Variants in ATP8A1 observed in about 807,000 individuals in gnomAD.
The protein encoded by ATP8A1 is phospholipid-transporting ATPase IA.
Under a neutral mutation model 177.7 loss-of-function variants are expected in ATP8A1, and 90 were observed. The observed-to-expected ratio is 0.51, with a 90% CI of 0.43 to 0.60. The LOEUF is 0.60. Ranked by LOEUF, ATP8A1 falls within the 20% of genes least tolerant of loss-of-function variation. The pLI is 0.00. For missense variants in ATP8A1, 1,072 were observed against 1,392.8 expected (o/e 0.77, Z 3.67); for synonymous variants, 493 against 485.9 (o/e 1.01, Z -0.19).
In ATP8A1 at chr4:42,581,421, C is replaced by T. The variant is rs576261245; in HGVS notation, c.834+200G>A. Among the ~76,000 whole-genome samples, 5 of 152,296 alleles carry T rather than the reference C, an allele frequency of 3.3e-5. No homozygotes were observed. In the East Asian group the frequency reaches 7.7e-4, roughly 24 times the overall value. On this transcript the variant is annotated intron_variant, in intron 10 of 36. Coordinates refer to ENST00000381668, the MANE Select transcript of ATP8A1 (RefSeq NM_006095.2). Reference sequence around the variant, plus strand: ...GTGCTGGGATTACAGGCGTGAGCCACCGCGCCCAGCCCAAGCCATTCTTAT... The same window carrying T: ...GTGCTGGGATTACAGGCGTGAGCCATCGCGCCCAGCCCAAGCCATTCTTAT...
intron 1 of ATP8A1, among the ~76,000 whole-genome samples, chr4:42,653,946 A>G (rs191339205): frequency 1.3e-5 from 2 of 152,252 alleles, no homozygotes; most frequent in East Asian, 3.9e-4. Context: ...ACACTCTCCT[A>G]ACTACAGAAA....
At chr4:42,611,242 T>C (rs1425982155) in intron 5 of ATP8A1, among the ~76,000 whole-genome samples, 1 of 54,136 alleles carries the variant, frequency 1.8e-5, no homozygotes, top group South Asian at 1.2e-3. Context: ...TTGATGTAGC[T>C]CTGGGGAAGG....
chr4:42,425,979 T>C (rs1191400664), intron 33 of ATP8A1, among the ~76,000 whole-genome samples: 1 of 152,208 alleles, frequency 6.6e-6, no homozygotes, highest in East Asian at 1.9e-4. Flanking sequence ...AGCAACTGCT[T>C]GTCTCTGCAG....
intron 20 of ATP8A1, among the ~76,000 whole-genome samples, chr4:42,542,005 C>A (rs1438722093): frequency 2.6e-5 from 4 of 152,060 alleles, no homozygotes; most frequent in Admixed American, 2.6e-4. Context: ...CAAGAGTGAA[C>A]CCTCATGTAC....
At chr4:42,491,538 G>A (rs753531422) in intron 24 of ATP8A1, among the ~76,000 whole-genome samples, 4 of 152,156 alleles carry the variant, frequency 2.6e-5, no homozygotes, top group Admixed American at 2.6e-4. Flanking sequence ...TAAACGTGCA[G>A]TCATAAAAAA....
At chr4:42,530,474 C>T (rs1727153580) in intron 20 of ATP8A1, among the ~76,000 whole-genome samples, 1 of 152,260 alleles carries the variant, frequency 6.6e-6, no homozygotes, top group South Asian at 2.1e-4. Context: ...CCACACAGTA[C>T]TGCCTCTGAC....
At chr4:42,531,418 G>GT (rs1300822263) in intron 20 of ATP8A1, among the ~76,000 whole-genome samples, 2 of 152,162 alleles carry the variant, frequency 1.3e-5, no homozygotes, top group African/African-American at 4.8e-5. Flanking sequence ...AACAAAGACT[G>GT]TAACTGTCAT....
At chr4:42,526,832 T>C (rs920066651) in intron 20 of ATP8A1, among the ~76,000 whole-genome samples, 7 of 152,202 alleles carry the variant, frequency 4.6e-5, no homozygotes, top group African/African-American at 1.7e-4. Flanking sequence ...TTCATTGGTT[T>C]TGGGGTTTCT....
chr4:42,533,555 CT>C, intron 20 of ATP8A1, among the ~76,000 whole-genome samples: 2 of 152,276 alleles, frequency 1.3e-5, no homozygotes, highest in Middle Eastern at 3.4e-3. Context: ...AGCTGATAGT[CT>C]TTGTCTACCT....
In ATP8A1 at chr4:42,464,970, T is replaced by C; in HGVS notation, c.2431A>G (p.Thr811Ala). 2 of 1,614,222 alleles carry C rather than the reference T, an allele frequency of 1.2e-6. No homozygotes were observed. Among genetic ancestry groups the C allele is most frequent in the African/African-American group, 1.3e-5 (1 of 75,058 alleles). The change falls in exon 26 of 37, where the codon ACA becomes GCA. Residue 811 changes from threonine to alanine, a missense_variant. Thr to Ala is a moderately conservative substitution (Grantham distance 58, BLOSUM62 0). Coordinates refer to ENST00000381668, the MANE Select transcript of ATP8A1 (RefSeq NM_006095.2). ...DGANDVSMIQ[T>A]AHVGVGISGN... is the part of the protein sequence containing the mutation. ...CTGATACCAACACCAACGTGCGCTG[T>C]CTGTATCATGCTGACATCATTTGCT...
intron 20 of ATP8A1, among the ~76,000 whole-genome samples, chr4:42,539,930 A>G (rs1728218554): frequency 6.6e-6 from 1 of 152,158 alleles, no homozygotes; most frequent in Non-Finnish European, 1.5e-5. Context: ...ACAGGCAACA[A>G]AAACAAAAAT....
At chr4:42,573,105 C>T (rs528763381) in intron 14 of ATP8A1, among the ~76,000 whole-genome samples, 6 of 152,136 alleles carry the variant, frequency 3.9e-5, no homozygotes, top group Admixed American at 2.0e-4. Flanking sequence ...TGATAAAATG[C>T]GGAAGAAAAC....
chr4:42,540,711 A>G (rs781038245), intron 20 of ATP8A1, among the ~76,000 whole-genome samples: 13 of 150,066 alleles, frequency 8.7e-5, no homozygotes, highest in Non-Finnish European at 1.9e-4. Flanking sequence ...ATTCTCACTT[A>G]TATGTGAGAG....
At chr4:42,505,338 C>T (rs1394050778) in intron 23 of ATP8A1, among the ~76,000 whole-genome samples, 1 of 152,204 alleles carries the variant, frequency 6.6e-6, no homozygotes, top group Non-Finnish European at 1.5e-5. Flanking sequence ...CACTACTATA[C>T]TCTTTTTTCA....
intron 1 of ATP8A1, among the ~76,000 whole-genome samples, chr4:42,642,981 C>T (rs1740161722): frequency 6.6e-6 from 1 of 152,220 alleles, no homozygotes; most frequent in African/African-American, 2.4e-5. Flanking sequence ...ATTTGCTTAG[C>T]ACCTACTTTA....
At chr4:42,420,163 T>C (rs1383744980) in intron 35 of ATP8A1, among the ~76,000 whole-genome samples, 1 of 152,206 alleles carries the variant, frequency 6.6e-6, no homozygotes, top group African/African-American at 2.4e-5. Context: ...GATGTTTCCA[T>C]CCAGTTGCTA....
chr4:42,452,230 T>A (rs1329911698), intron 29 of ATP8A1, among the ~76,000 whole-genome samples, 171 bp from the exon 30 acceptor site: 1 of 152,238 alleles, frequency 6.6e-6, no homozygotes, highest in Non-Finnish European at 1.5e-5. Context: ...TCATGGGTCA[T>A]TTATTTATTT....
At chr4:42,538,877 T>C (rs1224516745) in intron 20 of ATP8A1, among the ~76,000 whole-genome samples, 1 of 152,170 alleles carries the variant, frequency 6.6e-6, no homozygotes, top group East Asian at 1.9e-4. Context: ...AAAGTAGAAC[T>C]ACCATTTGAT....
intron 25 of ATP8A1, among the ~76,000 whole-genome samples, chr4:42,484,963 G>A (rs1324876261): frequency 6.6e-6 from 1 of 152,188 alleles, no homozygotes; most frequent in Non-Finnish European, 1.5e-5. Flanking sequence ...AAGGACTGGA[G>A]CTATGTCGTT....
Sources: gnomAD v4.1 joint callset for allele counts (sites outside exome capture counted in the v4.1 genomes callset) on GRCh38, gnomAD v4.1.1 for gene constraint, MANE v1.5 for transcripts, NCBI Gene and HGNC (gene_info 2026-07-23, HGNC 2026-07-21) for gene names.